The following SEMA3A variants were observed in gnomAD, a reference collection of about 807,000 sequenced individuals.
The protein encoded by SEMA3A is semaphorin 3A.
A neutral mutation model predicts 97.9 loss-of-function variants in SEMA3A; 29 were observed. That is an observed-to-expected ratio of 0.30 (90% CI 0.22 to 0.40). SEMA3A has a LOEUF of 0.40. SEMA3A is among the 10% of genes least tolerant of loss of function. The probability of loss-of-function intolerance (pLI) is 1.00; values close to 1 mark genes in which losing one functional copy is unlikely to be tolerated. For missense variants in SEMA3A, 763 were observed against 951.3 expected (o/e 0.80, Z 2.60); for synonymous variants, 321 against 323.7 (o/e 0.99, Z 0.09).
At chr7:84,175,271 T>C (rs1797527661) in intron 1 of SEMA3A, among the ~76,000 whole-genome samples, 1 of 152,230 alleles carries the variant, frequency 6.6e-6, no homozygotes, top group African/African-American at 2.4e-5. Flanking sequence ...ATAGAATCAA[T>C]TCTGGCCAAT....
intron 3 of SEMA3A, among the ~76,000 whole-genome samples, chr7:84,118,945 T>C (rs1237426541): frequency 2.0e-5 from 3 of 152,134 alleles, no homozygotes; most frequent in Admixed American, 2.0e-4. Flanking sequence ...AAAAGATATA[T>C]CTTACAGCCA....
chr7:84,163,184 C>T (rs1338950626), intron 1 of SEMA3A, among the ~76,000 whole-genome samples: 1 of 152,088 alleles, frequency 6.6e-6, no homozygotes, highest in East Asian at 1.9e-4. Flanking sequence ...ATTGTCGATT[C>T]TAAAATCCAA....
chr7:84,129,599 T>G (rs1315345071), intron 2 of SEMA3A, among the ~76,000 whole-genome samples: 2 of 152,258 alleles, frequency 1.3e-5, no homozygotes, highest in East Asian at 3.9e-4. Context: ...TTTTGCAGTT[T>G]TAACATTTGG....
chr7:84,066,353 A>G (rs1185786584), intron 4 of SEMA3A, among the ~76,000 whole-genome samples: 1 of 151,518 alleles, frequency 6.6e-6, no homozygotes, highest in Non-Finnish European at 1.5e-5. Context: ...CCCTTTGAAG[A>G]CTGGCACAAT....
intron 2 of SEMA3A, among the ~76,000 whole-genome samples, chr7:84,341,138 G>C (rs1257419329): frequency 6.6e-6 from 1 of 152,150 alleles, no homozygotes; most frequent in Non-Finnish European, 1.5e-5. Flanking sequence ...AATTTAACAA[G>C]TAAAGTTTCT....
chr7:84,444,140 C>T (rs1284571114), intron 1 of SEMA3A, among the ~76,000 whole-genome samples: 2 of 152,058 alleles, frequency 1.3e-5, no homozygotes, highest in Non-Finnish European at 2.9e-5. Context: ...CCCAGCTTGG[C>T]CTCCAAAATT....
intron 1 of SEMA3A, among the ~76,000 whole-genome samples, chr7:84,163,287 G>A (rs1329419643): frequency 6.6e-6 from 1 of 151,988 alleles, no homozygotes; most frequent in Non-Finnish European, 1.5e-5. Flanking sequence ...CGATATATAT[G>A]TGTGTGTGAA....
intron 1 of SEMA3A, among the ~76,000 whole-genome samples, chr7:84,467,046 T>A (rs1194243307): frequency 6.6e-6 from 1 of 152,154 alleles, no homozygotes; most frequent in African/African-American, 2.4e-5. Context: ...TAAATTTAAC[T>A]TTTTCGGGAT....
At chr7:84,054,990 T>G (rs533083183) in intron 5 of SEMA3A, among the ~76,000 whole-genome samples, 4,247 of 151,542 alleles carry the variant, frequency 0.028, 88 homozygotes, top group Non-Finnish European at 0.039. Flanking sequence ...GCCCCTGCTG[T>G]GGGGTGCCTC....
chr7:84,453,655 C>G (rs1805619392), intron 1 of SEMA3A, among the ~76,000 whole-genome samples: 1 of 152,118 alleles, frequency 6.6e-6, no homozygotes, highest in Admixed American at 6.5e-5. Flanking sequence ...GAGACACATT[C>G]CCTGTCTCTA....
intron 4 of SEMA3A, among the ~76,000 whole-genome samples, chr7:84,062,467 G>C (rs985280645): frequency 1.3e-5 from 2 of 152,180 alleles, no homozygotes; most frequent in Non-Finnish European, 2.9e-5. Context: ...CAGAGTGAGC[G>C]ACGCAGAAGA....
chr7:84,420,206 G>C (rs1285446626), intron 1 of SEMA3A, among the ~76,000 whole-genome samples: 2 of 150,710 alleles, frequency 1.3e-5, no homozygotes, highest in African/African-American at 4.9e-5. Flanking sequence ...AAAAGTGACA[G>C]ATACCATCCC....
In SEMA3A at chr7:83,966,900, A is replaced by G. The variant is rs868670082; in HGVS notation, c.1718-3553T>C. On this transcript the variant is annotated intron_variant, in intron 15 of 16. Transcript: ENST00000265362. Reference sequence around the variant, plus strand: ...CTAATTTTGTATTTTTAGTAGAGACAGGGTTTCTCCATGTTGGTTAGGCTG... The same window carrying G: ...CTAATTTTGTATTTTTAGTAGAGACGGGGTTTCTCCATGTTGGTTAGGCTG... 3.5e-4 allele frequency among the ~76,000 whole-genome samples: 54 copies of G among 152,140 alleles called. 1 individual carries two copies. Among genetic ancestry groups the G allele is most frequent in the African/African-American group, 1.3e-3 (53 of 41,520 alleles).
chr7:84,209,942 A>C (rs147863122), intron 3 of SEMA3A, among the ~76,000 whole-genome samples: 2 of 152,192 alleles, frequency 1.3e-5, no homozygotes, highest in Non-Finnish European at 2.9e-5. Flanking sequence ...GGTGTCTACC[A>C]TTCTTATTAT....
At chr7:84,201,035 G>A (rs1798342635) in intron 3 of SEMA3A, among the ~76,000 whole-genome samples, 1 of 151,790 alleles carries the variant, frequency 6.6e-6, no homozygotes, top group Non-Finnish European at 1.5e-5. Flanking sequence ...CATTTTCACT[G>A]AATAAATAAA....
At chr7:84,127,569 T>A (rs1255824473) in intron 3 of SEMA3A, among the ~76,000 whole-genome samples, 5 of 152,208 alleles carry the variant, frequency 3.3e-5, no homozygotes, top group Non-Finnish European at 7.3e-5. Flanking sequence ...AATAACTATA[T>A]GTTTAATATA....
At chr7:84,228,364 T>C (rs1799040460) in intron 3 of SEMA3A, among the ~76,000 whole-genome samples, 2 of 152,100 alleles carry the variant, frequency 1.3e-5, no homozygotes, top group Non-Finnish European at 2.9e-5. Context: ...TGATTGGGGC[T>C]ACTAAGAAAC....
intron 1 of SEMA3A, among the ~76,000 whole-genome samples, chr7:84,464,041 T>G (rs1475417103): frequency 6.6e-6 from 1 of 152,194 alleles, no homozygotes; most frequent in Non-Finnish European, 1.5e-5. Context: ...TACTTTGACA[T>G]AATTTTCAAT....
At chr7:84,215,156 C>A (rs988410574) in intron 3 of SEMA3A, among the ~76,000 whole-genome samples, 1 of 151,626 alleles carries the variant, frequency 6.6e-6, no homozygotes, top group Non-Finnish European at 1.5e-5. Flanking sequence ...CAGGTGTGAG[C>A]CACCGCGCCT....
Sources: allele counts gnomAD v4.1 joint callset (sites outside exome capture counted in the v4.1 genomes callset), GRCh38; gene constraint gnomAD v4.1.1; transcripts MANE v1.5; gene names NCBI Gene and HGNC (gene_info 2026-07-23, HGNC 2026-07-21).